SATB2: variants seen among roughly 807,000 people sequenced by gnomAD.
SATB2 encodes DNA-binding protein SATB2.
Under a neutral mutation model 73.4 loss-of-function variants are expected in SATB2, and 1 was observed. The observed-to-expected ratio is 0.01, with a 90% CI of 0.00 to 0.06. The LOEUF is 0.06. Among genes scored for constraint, SATB2 ranks in the 10% least tolerant of loss-of-function variants. SATB2 has a pLI of 1.00. For synonymous variants in SATB2, 397 were observed against 367.0 expected, an observed-to-expected ratio of 1.08 and a Z score of -0.93; for missense variants, 459 against 945.8, an observed-to-expected ratio of 0.49 and a Z score of 6.75.
intron 3 of SATB2, among the ~76,000 whole-genome samples, chr2:199,401,001 A>G (rs1051150095): frequency 1.3e-5 from 2 of 152,202 alleles, no homozygotes; most frequent in African/African-American, 4.8e-5. Context: ...CAACTAATTC[A>G]ATCAGGTGTA....
At chr2:199,356,813 T>C (rs1009570807) in intron 6 of SATB2, among the ~76,000 whole-genome samples, 1 of 152,156 alleles carries the variant, frequency 6.6e-6, no homozygotes, top group Non-Finnish European at 1.5e-5. Flanking sequence ...TAACATACCT[T>C]TTTCAAACTG....
At position 199,463,620 on chromosome 2, in the gene SATB2, T is replaced by C. The variant is rs547801872; in HGVS notation, c.-141+1216A>G. 3.3e-5 allele frequency among the ~76,000 whole-genome samples: 5 copies of C among 152,244 alleles called. No individual in the cohort carries two copies. The South Asian group carries it at 1.0e-3, about 32-fold the overall frequency. ...TTCGGCGCCGGCTCTGCCGGTCGCG[T>C]CCCGGAGCCAACCCTTCCGCGTCGC... On this transcript the variant is annotated intron_variant, in intron 1 of 11. Coordinates refer to the SATB2 transcript ENST00000260926. This position sits in a 1 kb window ranked among gnomAD's most constrained non-coding sequence, Gnocchi z 6.4.
At chr2:199,386,706 G>A (rs1248911616) in intron 3 of SATB2, among the ~76,000 whole-genome samples, 16 of 95,964 alleles carry the variant, frequency 1.7e-4, no homozygotes, top group South Asian at 9.5e-4. Context: ...GCGCGCGCGC[G>A]CGCGCGCGCG....
intron 6 of SATB2, among the ~76,000 whole-genome samples, chr2:199,350,779 T>C (rs1688791634): frequency 1.3e-5 from 2 of 152,048 alleles, no homozygotes; most frequent in African/African-American, 2.4e-5. Context: ...TCCCAGCACT[T>C]TGGGAGGCCG....
At chr2:199,355,323 T>G (rs1688940533) in intron 6 of SATB2, among the ~76,000 whole-genome samples, 1 of 97,728 alleles carries the variant, frequency 1.0e-5, no homozygotes, top group Non-Finnish European at 1.8e-5. Context: ...TATACATATG[T>G]ATGTGTGTGT....
chr2:199,348,539 T>C, intron 7 of SATB2, 162 bp downstream of exon 7: 2 of 690,212 alleles, frequency 2.9e-6, no homozygotes, highest in Non-Finnish European at 5.1e-6. Context: ...TGGTCATGCA[T>C]GGATCAATGG....
chr2:199,467,273 G>A (rs528399493), upstream of SATB2: 1 of 152,314 alleles, frequency 6.6e-6, no homozygotes, highest in Admixed American at 6.5e-5. Context: ...GGCTGCTGGA[G>A]CTCTCCCCAG....
At chr2:199,410,959 T>C (rs1371671449) in intron 3 of SATB2, among the ~76,000 whole-genome samples, 1 of 152,194 alleles carries the variant, frequency 6.6e-6, no homozygotes, top group Non-Finnish European at 1.5e-5. Flanking sequence ...AAAGCTCCAT[T>C]AGTGATCACA....
chr2:199,281,260 ATG>A (rs1338096142), intron 10 of SATB2, among the ~76,000 whole-genome samples: 1 of 24,854 alleles, frequency 4.0e-5, no homozygotes, highest in Non-Finnish European at 3.6e-4. Flanking sequence ...GTGTGTATGT[ATG>A]TATGTGTGTG....
intron 10 of SATB2, among the ~76,000 whole-genome samples, chr2:199,297,432 T>C (rs1458014186): frequency 1.3e-5 from 2 of 152,210 alleles, no homozygotes; most frequent in African/African-American, 2.4e-5. Flanking sequence ...CATGTGAAAA[T>C]AGGCCATTAG....
intron 10 of SATB2, among the ~76,000 whole-genome samples, chr2:199,286,345 A>G (rs979329975): frequency 2.0e-5 from 3 of 152,192 alleles, no homozygotes; most frequent in Non-Finnish European, 4.4e-5. Context: ...ACCTAGTGGC[A>G]ATTATACCTT....
intron 3 of SATB2, among the ~76,000 whole-genome samples, chr2:199,412,992 G>C (rs16831452): frequency 0.019 from 2,933 of 152,242 alleles, 100 homozygotes; most frequent in African/African-American, 0.067. Flanking sequence ...TGCAAGTACT[G>C]TTTAGTTGGT....
chr2:199,314,018 T>G (rs547176326), intron 9 of SATB2, among the ~76,000 whole-genome samples: 2 of 152,308 alleles, frequency 1.3e-5, no homozygotes, highest in South Asian at 4.1e-4. Flanking sequence ...CTTTTCCCCA[T>G]GAGAAGCTGT....
At chr2:199,275,707 G>C (rs1345448359) in intron 10 of SATB2, among the ~76,000 whole-genome samples, 2 of 152,094 alleles carry the variant, frequency 1.3e-5, no homozygotes, top group African/African-American at 4.8e-5. Flanking sequence ...TATAGTTTCT[G>C]GTCAGACAAT....
intron 3 of SATB2, among the ~76,000 whole-genome samples, chr2:199,410,947 G>A (rs1690794876): frequency 1.3e-5 from 2 of 151,974 alleles, no homozygotes; most frequent in African/African-American, 4.8e-5. Context: ...CCTCTTACTT[G>A]TAAAGCTCCA....
At chr2:199,299,288 T>C (rs1268706637) in intron 10 of SATB2, among the ~76,000 whole-genome samples, 1 of 152,226 alleles carries the variant, frequency 6.6e-6, no homozygotes, top group East Asian at 1.9e-4. Context: ...TGCCATTCTT[T>C]GTAGAGCTAT....
rs1692181936 is a variant in SATB2 at position 199,272,291 on chromosome 2, C to T, written c.2122G>A (p.Glu708Lys). The change falls in exon 11 of 11, where the codon GAG becomes AAG. Residue 708 changes from glutamate (E) to lysine (K), a missense_variant. This residue lies in a region of SATB2 where 41 missense variants were observed against 38.6 expected (regional missense o/e 1.06). Coordinates refer to ENST00000417098, the MANE Select transcript of SATB2 (RefSeq NM_001172509.2). This position sits in a 1 kb window ranked among gnomAD's most constrained non-coding sequence, Gnocchi z 6.7. The part of the protein sequence containing the change: ...SEENDSEEGS[E>K]EMYKVEAEEE... ...TCAGCCTCCACTTTGTACATCTCCT[C>T]GGAGCCTTCCTCGCTGTCGTTCTCC... The T allele has an allele frequency of 6.2e-7, 1 of 1,614,178 alleles. No individual in the cohort carries two copies. Among genetic ancestry groups the T allele is most frequent in the Non-Finnish European group, 8.5e-7 (1 of 1,180,018 alleles).
At chr2:199,458,567 G>A (rs1692369594), upstream of SATB2, 3 of 394,882 alleles carry the variant, frequency 7.6e-6, no homozygotes, top group African/African-American at 2.2e-5. Flanking sequence ...CGGCCGCCTC[G>A]CCCAGCCCCT....
intron 10 of SATB2, among the ~76,000 whole-genome samples, chr2:199,287,083 G>A (rs1692711587): frequency 2.0e-5 from 3 of 152,150 alleles, no homozygotes; most frequent in South Asian, 4.1e-4. Flanking sequence ...TGTGCAAAGG[G>A]TTCAGATTAA....
Sources: gnomAD v4.1 joint callset for allele counts (sites outside exome capture counted in the v4.1 genomes callset) on GRCh38, gnomAD v4.1.1 for gene constraint, gnomAD v4.1.1 regional missense constraint, Gnocchi (gnomAD v3.1) non-coding constraint, MANE v1.5 for transcripts, NCBI Gene and HGNC (gene_info 2026-07-23, HGNC 2026-07-21) for gene names.